CACNA1G: variants seen among roughly 807,000 people sequenced by gnomAD.
CACNA1G encodes calcium voltage-gated channel subunit alpha1 G, also known as voltage-dependent T-type calcium channel subunit alpha-1G.
CACNA1G carries 67 observed loss-of-function variants against 219.4 expected under a neutral mutation model. That is an observed-to-expected ratio of 0.31 (90% CI 0.25 to 0.37). The LOEUF (loss-of-function observed/expected upper bound fraction) is 0.37, where lower values mean the gene tolerates loss of function less well. CACNA1G is among the 10% of genes least tolerant of loss of function. The pLI, the probability that CACNA1G is intolerant of heterozygous loss-of-function variation, is 1.00. For synonymous variants in CACNA1G, 1,296 were observed against 1,345.3 expected, an observed-to-expected ratio of 0.96 and a Z score of 0.80; for missense variants, 2,380 against 3,231.4, an observed-to-expected ratio of 0.74 and a Z score of 6.39.
At position 50,615,386 on chromosome 17, in the gene CACNA1G, C is replaced by T. The variant is rs370321624; in HGVS notation, c.4785C>T (p.Ser1595=). 2.5e-4 allele frequency: 395 copies of T among 1,610,958 alleles called. No individual in the cohort carries two copies. Among genetic ancestry groups the T allele is most frequent in the Non-Finnish European group, 3.1e-4 (364 of 1,177,762 alleles). Residue 1595 remains serine (S), a synonymous_variant, in exon 27 of 38, where the codon TCC becomes TCT. Coordinates refer to ENST00000359106, the MANE Select transcript of CACNA1G (RefSeq NM_018896.5). ...AAGCCCAGTGCAAACCTTACTACTCCGACTACTCCCGCTTCCGGCTCCTCG... is the reference window on the plus strand; with the variant it reads ...AAGCCCAGTGCAAACCTTACTACTCTGACTACTCCCGCTTCCGGCTCCTCG... ...ASEAQCKPYY[S]DYSRFRLLVH... is the part of the protein sequence containing the mutation.
chr17:50,599,713 G>A lies in CACNA1G; in HGVS notation c.3544G>A (p.Gly1182Arg). 6.2e-7 allele frequency: 1 copy of A among 1,613,536 alleles called. No individual in the cohort carries two copies. Among genetic ancestry groups the A allele is most frequent in the Non-Finnish European group, 8.5e-7 (1 of 1,179,728 alleles). Residue 1182 changes from glycine (G) to arginine (R), a missense_variant, in exon 17 of 38, where the codon GGG becomes AGG. Gly to Arg is a moderately radical substitution (Grantham distance 125). This residue lies in a region of CACNA1G where 418 missense variants were observed against 434.3 expected (regional missense o/e 0.96). Coordinates refer to ENST00000359106, the MANE Select transcript of CACNA1G (RefSeq NM_018896.5). Reference sequence around the variant, plus strand: ...CCTGCCAGACACACTGCAGGTGCCAGGGCTGCATCGCACTGCCAGTGGCCG... The same window carrying A: ...CCTGCCAGACACACTGCAGGTGCCAAGGCTGCATCGCACTGCCAGTGGCCG... ...FDLPDTLQVP[G>R]LHRTASGRGS...
At chr17:50,599,286 C>A in intron 16 of CACNA1G, 142 bp from the exon 17 acceptor site, 2 of 766,490 alleles carry the variant, frequency 2.6e-6, no homozygotes, top group East Asian at 2.7e-5. Context: ...AGGATCTGAA[C>A]CCAGGCATCA....
At chr17:50,601,691 G>A (rs561996327) in intron 19 of CACNA1G, among the ~76,000 whole-genome samples, 3 of 152,244 alleles carry the variant, frequency 2.0e-5, no homozygotes, top group African/African-American at 7.2e-5. Context: ...AGAGGCCCTG[G>A]ACATACCGCC....
At chr17:50,611,953 G>A (rs938562050) in intron 26 of CACNA1G, among the ~76,000 whole-genome samples, 1 of 152,196 alleles carries the variant, frequency 6.6e-6, no homozygotes, top group Non-Finnish European at 1.5e-5. Flanking sequence ...GGCACACGCA[G>A]GCATGTACAC....
chr17:50,623,871 C>A, intron 35 of CACNA1G, 36 bp from the exon 36 acceptor site: 1 of 1,590,336 alleles, frequency 6.3e-7, no homozygotes. Context: ...CACGCACACC[C>A]TCTTCCTCCA....
chr17:50,607,190 T>G (rs1390976476), intron 24 of CACNA1G: 1 of 632,346 alleles, frequency 1.6e-6, no homozygotes, highest in Non-Finnish European at 2.9e-6. Flanking sequence ...TGTTTTGAAT[T>G]AGTGATGAAT....
In CACNA1G at chr17:50,606,144, C is replaced by T. The variant is rs368936702; in HGVS notation, c.4422+121C>T. The stretch of plus-strand genomic sequence containing the variant: ...GCTCCACGAAGAGATCAGCCCTTCA[C>T]ACCCTCTGCTGTCTAACCACCAGCA... On this transcript the variant is annotated intron_variant, in intron 23 of 37. Coordinates refer to ENST00000359106, the MANE Select transcript of CACNA1G (RefSeq NM_018896.5). The T allele has an allele frequency of 1.3e-5, 18 of 1,346,614 alleles. No individual in the cohort carries two copies. In the East Asian group the frequency reaches 2.3e-4, roughly 17 times the overall value. 83.4% of individuals were successfully genotyped at this position (1,346,614 alleles called of 1,614,324 possible).
At chr17:50,562,815 C>T (rs572095227) in intron 1 of CACNA1G, among the ~76,000 whole-genome samples, 1 of 152,316 alleles carries the variant, frequency 6.6e-6, no homozygotes, top group African/African-American at 2.4e-5. Flanking sequence ...GGATTTAGCA[C>T]TGCTCCCTGT....
intron 19 of CACNA1G, among the ~76,000 whole-genome samples, chr17:50,602,497 C>T (rs773170206): frequency 4.6e-5 from 7 of 152,312 alleles, no homozygotes; most frequent in Non-Finnish European, 8.8e-5. Context: ...TTAAAAGGAA[C>T]CAGGGAATAG....
chr17:50,623,040 T>TC (rs2052543366), intron 35 of CACNA1G, among the ~76,000 whole-genome samples: 2 of 143,448 alleles, frequency 1.4e-5, no homozygotes, highest in Admixed American at 7.1e-5. Context: ...GAGGGTCCTC[T>TC]CCCCCTCACC....
chr17:50,618,799 A>C lies in CACNA1G; in HGVS notation c.5572A>C (p.Asn1858His). 1 of 1,613,978 alleles carries C rather than the reference A, an allele frequency of 6.2e-7. No homozygotes were observed. Among genetic ancestry groups the C allele is most frequent in the Middle Eastern group, 1.6e-4 (1 of 6,062 alleles). Residue 1858 changes from asparagine (N) to histidine (H), a missense_variant, in exon 33 of 38, where the codon AAC becomes CAC. Coordinates refer to ENST00000359106, the MANE Select transcript of CACNA1G (RefSeq NM_018896.5). This position sits in a 1 kb window ranked among gnomAD's most constrained non-coding sequence, Gnocchi z 5.3. ...AVLMKHLEES[N>H]KEAKEEAELE... is the part of the protein sequence containing the mutation. ...GCTGATGAAGCACCTGGAGGAGAGC[A>C]ACAAGGAGGCCAAGGAGGAGGCCGA...
rs772815658 is a variant in CACNA1G at position 50,626,829 on chromosome 17, C to G, written c.*78C>G. On this transcript the variant is annotated 3_prime_UTR_variant, in exon 38 of 38. Coordinates refer to ENST00000359106, the MANE Select transcript of CACNA1G (RefSeq NM_018896.5). This position sits in a 1 kb window ranked among gnomAD's most constrained non-coding sequence, Gnocchi z 4.3. ...TCCTCCTCCTGGGCTATATTCCTGA[C>G]AAAAGTTCCATATAGACACCAAGGA... The G allele has an allele frequency of 6.3e-7, 1 of 1,587,020 alleles. No individual in the cohort carries two copies. Among genetic ancestry groups the G allele is most frequent in the Non-Finnish European group, 8.6e-7 (1 of 1,156,994 alleles).
chr17:50,619,572 C>A, intron 33 of CACNA1G, 111 bp from the exon 34 acceptor site: 1 of 1,009,830 alleles, frequency 9.9e-7, no homozygotes, highest in Non-Finnish European at 1.5e-6. Context: ...TGGGTGTCAC[C>A]TCTTTCTCCT....
rs751060300 is a variant in CACNA1G at position 50,626,492 on chromosome 17, G to A, written c.6875G>A (p.Gly2292Asp). 1.0e-5 allele frequency: 16 copies of A among 1,590,580 alleles called. No homozygotes were observed. In the East Asian group the frequency reaches 1.4e-4, roughly 14 times the overall value. The change falls in exon 38 of 38, where the codon GGC becomes GAC. Residue 2292 changes from glycine (G) to aspartate (D), a missense_variant. Around this residue, in one of 17 missense-constraint regions of CACNA1G, gnomAD observed 672 missense variants for 670.5 expected, o/e 1.00. Transcript: ENST00000359106. The surrounding 1 kb of genome is among the most constrained non-coding windows in gnomAD (Gnocchi z 4.3). ...GGCACAGACCCCTCTAACCTTGGGGGCCAGCCTCTTGGGGGGCCTGGGAGC... is the reference window on the plus strand; with the variant it reads ...GGCACAGACCCCTCTAACCTTGGGGACCAGCCTCTTGGGGGGCCTGGGAGC... ...HLGTDPSNLG[G>D]QPLGGPGSRP...
chr17:50,597,726 C>T lies in CACNA1G; in HGVS notation c.3258+803C>T, dbSNP rs140147280. ...AGCCATCATGCTGTGCAATAAATCT[C>T]GAAAATTGATTCCTCCTGTCCAACT... On this transcript the variant is annotated intron_variant, in intron 16 of 37. Transcript: ENST00000359106. Among the ~76,000 whole-genome samples the T allele has an allele frequency of 2.5e-3, 381 of 152,230 alleles. 1 individual carries two copies. The highest frequency in any genetic ancestry group is 8.7e-3 in the African/African-American group (360 of 41,524).
Position 50,616,365 on chromosome 17 carries a change from C to A in CACNA1G, c.5002C>A (p.Arg1668Ser). 6.2e-7 allele frequency: 1 copy of A among 1,611,734 alleles called. No homozygotes were observed. The highest frequency in any genetic ancestry group is 8.5e-7 in the Non-Finnish European group (1 of 1,177,952). ...SVFKLVAFGF[R>S]RFFQDRWNQL... is the part of the protein sequence containing the mutation. ...TTTCAAACTTGTGGCCTTTGGTTTC[C>A]GTCGGTTCTTCCAGGACAGGTAACG... Residue 1668 changes from arginine (R) to serine (S), a missense_variant, in exon 28 of 38, where the codon CGT becomes AGT. This residue lies in a region of CACNA1G where 123 missense variants were observed against 258.4 expected (regional missense o/e 0.48). Transcript: ENST00000359106.
At chr17:50,588,991 G>T (rs2043593192) in intron 9 of CACNA1G, among the ~76,000 whole-genome samples, 1 of 152,220 alleles carries the variant, frequency 6.6e-6, no homozygotes, top group Non-Finnish European at 1.5e-5. Context: ...CAGCGAGACA[G>T]TGAGAAGCAA....
At chr17:50,572,919 G>A in intron 6 of CACNA1G, 65 bp downstream of exon 6, 1 of 1,582,302 alleles carries the variant, frequency 6.3e-7, no homozygotes, top group Non-Finnish European at 8.6e-7. Flanking sequence ...CCCAGGATCG[G>A]AGTGGTCGCT....
intron 1 of CACNA1G, among the ~76,000 whole-genome samples, chr17:50,563,432 C>G (rs1303489174): frequency 6.6e-6 from 1 of 152,230 alleles, no homozygotes; most frequent in Admixed American, 6.5e-5. Context: ...ACTCTCCTCT[C>G]TGCCCCTAAT....
Sources: gnomAD v4.1 joint callset for allele counts (sites outside exome capture counted in the v4.1 genomes callset) on GRCh38, gnomAD v4.1.1 for gene constraint, gnomAD v4.1.1 regional missense constraint, Gnocchi (gnomAD v3.1) non-coding constraint, MANE v1.5 for transcripts, NCBI Gene and HGNC (gene_info 2026-07-23, HGNC 2026-07-21) for gene names.